Variants in LPA observed in about 807,000 individuals in gnomAD.
LPA encodes lipoprotein(a), also known as apolipoprotein(a).
Under a neutral mutation model 197.9 loss-of-function variants are expected in LPA, and 199 were observed. The observed-to-expected ratio is 1.01, with a 90% CI of 0.90 to 1.13. LPA has a LOEUF of 1.13. Ranked by LOEUF, LPA falls within the 50% of genes most tolerant of loss-of-function variation. The pLI, the probability that LPA is intolerant of heterozygous loss-of-function variation, is 0.00. For missense variants in LPA, 1,853 were observed against 1,785.8 expected, an observed-to-expected ratio of 1.04 and a Z score of -0.68; for synonymous variants, 715 against 639.5, an observed-to-expected ratio of 1.12 and a Z score of -1.78.
intron 34 of LPA, among the ~76,000 whole-genome samples, 198 bp from the exon 35 acceptor site, chr6:160,541,379 T>C (rs1480083657): frequency 1.3e-5 from 2 of 152,188 alleles, no homozygotes; most frequent in African/African-American, 4.8e-5. Context: ...GGCCCATCTG[T>C]GCCACTTTTT....
intron 22 of LPA, among the ~76,000 whole-genome samples, chr6:160,592,538 T>C (rs1460673119): frequency 2.0e-5 from 3 of 152,186 alleles, no homozygotes; most frequent in Non-Finnish European, 4.4e-5. Flanking sequence ...GGCCTATTTG[T>C]GTTGAGTGAT....
chr6:160,603,641 A>T (rs923247716), intron 18 of LPA, among the ~76,000 whole-genome samples: 4 of 152,188 alleles, frequency 2.6e-5, no homozygotes, highest in Admixed American at 2.6e-4. Flanking sequence ...GTCATGGTTC[A>T]TACTAAAAGC....
intron 28 of LPA, 63 bp from the exon 29 acceptor site, chr6:160,557,634 T>C: frequency 2.2e-6 from 3 of 1,394,858 alleles, no homozygotes; most frequent in South Asian, 2.3e-5. Context: ...CACCCAGCGC[T>C]GTCTAAACTT....
chr6:160,587,794 TG>T (rs869200177), intron 24 of LPA, among the ~76,000 whole-genome samples: 1 of 120,794 alleles, frequency 8.3e-6, no homozygotes, highest in African/African-American at 3.8e-5. Flanking sequence ...TGTGTGTGTG[TG>T]TGTGTTTCTG....
At chr6:160,641,076 A>T (rs1350059628) in intron 4 of LPA, among the ~76,000 whole-genome samples, 1 of 139,106 alleles carries the variant, frequency 7.2e-6, no homozygotes, top group African/African-American at 2.9e-5. Context: ...AAAAATCTAA[A>T]GTAGCAAACG....
At chr6:160,570,476 G>A (rs1778543200) in intron 28 of LPA, among the ~76,000 whole-genome samples, 1 of 152,232 alleles carries the variant, frequency 6.6e-6, no homozygotes, top group South Asian at 2.1e-4. Context: ...CACACACCGG[G>A]GCCTGTCATG....
intron 30 of LPA, among the ~76,000 whole-genome samples, chr6:160,555,455 A>ATATATATATG (rs1287454419): frequency 5.3e-5 from 7 of 133,082 alleles, no homozygotes; most frequent in South Asian, 4.8e-4. Flanking sequence ...ATATATATAT[A>ATATATATATG]TGTGTGTGTA....
At chr6:160,550,692 A>C (rs527603971) in intron 30 of LPA, among the ~76,000 whole-genome samples, 40 of 152,090 alleles carry the variant, frequency 2.6e-4, no homozygotes, top group Non-Finnish European at 5.1e-4. Context: ...AATCTCTGCT[A>C]CTCTCTTCCC....
chr6:160,593,137 A>C (rs553309120), intron 22 of LPA, among the ~76,000 whole-genome samples: 1 of 152,074 alleles, frequency 6.6e-6, no homozygotes, highest in African/African-American at 2.4e-5. Flanking sequence ...AGGCATCACA[A>C]ACTCCAGTCT....
intron 38 of LPA, among the ~76,000 whole-genome samples, 163 bp from the exon 39 acceptor site, chr6:160,532,053 C>T (rs1406344404): frequency 1.3e-5 from 2 of 152,162 alleles, no homozygotes; most frequent in Middle Eastern, 3.2e-3. Flanking sequence ...AAGTACTTAG[C>T]AAAGTCTATT....
intron 28 of LPA, among the ~76,000 whole-genome samples, chr6:160,570,524 T>A (rs981618879): frequency 2.0e-5 from 3 of 152,152 alleles, no homozygotes; most frequent in Admixed American, 2.0e-4. Flanking sequence ...TTAGGAGATA[T>A]ACCTAATGTA....
chr6:160,634,588 C>T (rs1057175660), intron 7 of LPA, among the ~76,000 whole-genome samples: 5 of 145,778 alleles, frequency 3.4e-5, no homozygotes, highest in Non-Finnish European at 7.4e-5. Context: ...ACTGAGAAAT[C>T]ACTCCCTTCA....
chr6:160,568,688 A>C (rs1462158412), intron 28 of LPA, among the ~76,000 whole-genome samples: 1 of 152,262 alleles, frequency 6.6e-6, no homozygotes, highest in Non-Finnish European at 1.5e-5. Flanking sequence ...GAAAAGAGGA[A>C]GTTAAATTGT....
chr6:160,647,474 T>C (rs1256667706), intron 2 of LPA, among the ~76,000 whole-genome samples: 2 of 152,172 alleles, frequency 1.3e-5, no homozygotes, highest in African/African-American at 2.4e-5. Context: ...TGGCCTAGTC[T>C]CAGTCCCAGA....
Position 160,548,564 on chromosome 6 carries a change from A to C in LPA, c.5069T>G (p.Leu1690Arg). 6.2e-7 allele frequency: 1 copy of C among 1,614,168 alleles called. No individual in the cohort carries two copies. The highest frequency in any genetic ancestry group is 1.1e-5 in the South Asian group (1 of 91,084). Residue 1690 changes from leucine to arginine, a missense_variant, in exon 31 of 39, where the codon CTG becomes CGG. Leu to Arg is a moderately radical substitution (Grantham distance 102). This residue lies in a region of LPA where 1,737 missense variants were observed against 1,504.4 expected (regional missense o/e 1.15). Transcript: ENST00000316300. ...DPSIRWEYCNLTRCSDTEGTV... is the reference protein window; with the variant it reads ...DPSIRWEYCNRTRCSDTEGTV... Reference sequence around the variant, plus strand: ...CCCTTCTGTGTCTGAGCATCGCGTCAGGTTGCAGTACTCCCACCTGATGCT... The same window carrying C: ...CCCTTCTGTGTCTGAGCATCGCGTCCGGTTGCAGTACTCCCACCTGATGCT...
Position 160,601,020 on chromosome 6 carries a change from C to T in LPA, c.3024G>A (p.Arg1008=). 3.1e-6 allele frequency: 5 copies of T among 1,614,098 alleles called. No homozygotes were observed. Among genetic ancestry groups the T allele is most frequent in the Non-Finnish European group, 4.2e-6 (5 of 1,179,966 alleles). Residue 1008 remains arginine (R), a synonymous_variant, in exon 19 of 39, where the codon AGG becomes AGA. Transcript: ENST00000316300. ...PWCYTTDPSV[R]WEYCNLTRCS... ...ATCGTGTCAGGTTGCAGTACTCCCA[C>T]CTGACACTGGGATCTGTTGTATAAC...
intron 26 of LPA, among the ~76,000 whole-genome samples, chr6:160,579,935 G>T (rs993228199): frequency 1.1e-4 from 16 of 152,228 alleles, no homozygotes; most frequent in African/African-American, 3.9e-4. Context: ...GTAGCTGGAT[G>T]AGATTTGATA....
chr6:160,605,073 C>A lies in LPA; in HGVS notation c.2918G>T (p.Ser973Ile). 1 of 1,613,836 alleles carries A rather than the reference C, an allele frequency of 6.2e-7. No homozygotes were observed. Among genetic ancestry groups the A allele is most frequent in the Admixed American group, 1.7e-5 (1 of 60,006 alleles). The change falls in exon 18 of 39, where the codon AGT (serine) becomes ATT (isoleucine). Residue 973 changes from serine (S) to isoleucine (I), a missense_variant. By Grantham distance (142) the Ser-to-Ile change is moderately radical. This residue lies in a region of LPA where 1,737 missense variants were observed against 1,504.4 expected (regional missense o/e 1.15). Coordinates refer to ENST00000316300, the MANE Select transcript of LPA (RefSeq NM_005577.4). Reference protein sequence around the residue: ...AWSSMTPHSHSRTPAYYPNAG... With the variant: ...AWSSMTPHSHIRTPAYYPNAG... ...ATTTGGGTAGTATGCTGGGGTCCGA[C>A]TATGCGAGTGTGGTGTCATAGATGA... is the stretch of plus-strand genomic sequence containing the variant.
In LPA at chr6:160,566,404, G is replaced by A. The variant is rs140483988; in HGVS notation, c.4632-8833C>T. On this transcript the variant is annotated intron_variant, in intron 28 of 38. Transcript: ENST00000316300. ...TCCAGCCAAACTAAGCTTCATAAGT[G>A]AAGGAGAAATAAAATCCTTTACAGA... 1.8e-3 allele frequency among the ~76,000 whole-genome samples: 277 copies of A among 152,258 alleles called. 6 individuals carry two copies. The East Asian group carries it at 0.042, about 23-fold the overall frequency.
Sources: gnomAD v4.1 joint callset for allele counts (sites outside exome capture counted in the v4.1 genomes callset) on GRCh38, gnomAD v4.1.1 for gene constraint, gnomAD v4.1.1 regional missense constraint, MANE v1.5 for transcripts, NCBI Gene and HGNC (gene_info 2026-07-23, HGNC 2026-07-21) for gene names.